The following ASB3 variants were observed in gnomAD, a reference collection of about 807,000 sequenced individuals.
The protein encoded by ASB3 is ankyrin repeat and SOCS box containing 3, also known as ankyrin repeat and SOCS box protein 3.
Under a neutral mutation model 54.5 loss-of-function variants are expected in ASB3, and 41 were observed. The ratio of observed to expected loss-of-function variants is 0.75; its 90% CI spans 0.59 to 0.98. The LOEUF (loss-of-function observed/expected upper bound fraction) is 0.98, where lower values mean the gene tolerates loss of function less well. Among genes scored for constraint, ASB3 ranks in the 50% least tolerant of loss-of-function variants. The pLI is 0.00. For synonymous variants in ASB3, 266 were observed against 221.2 expected (o/e 1.20, Z -1.80); for missense variants, 733 against 620.0 (o/e 1.18, Z -1.94).
intron 9 of ASB3, among the ~76,000 whole-genome samples, chr2:53,689,987 C>A (rs749241764): frequency 6.6e-6 from 1 of 152,052 alleles, no homozygotes; most frequent in Non-Finnish European, 1.5e-5. Context: ...AATACCAGCA[C>A]TTTGGGAGGC....
In ASB3 at chr2:53,784,154, G is replaced by C. The variant is rs556577505; in HGVS notation, c.-14+2667C>G. 4.5e-4 allele frequency among the ~76,000 whole-genome samples: 68 copies of C among 152,270 alleles called. 1 individual carries two copies. Among genetic ancestry groups the C allele is most frequent in the African/African-American group, 1.5e-3 (61 of 41,510 alleles). On this transcript the variant is annotated intron_variant, in intron 1 of 9. Coordinates refer to ENST00000263634, the MANE Select transcript of ASB3 (RefSeq NM_016115.5). ...CATACTTAATAGTTTTATAGCGAATGATGATTGTATAATTACAATATGGTA... is the reference window on the plus strand; with the variant it reads ...CATACTTAATAGTTTTATAGCGAATCATGATTGTATAATTACAATATGGTA...
At chr2:53,746,669 G>A (rs529731834) in intron 3 of ASB3, among the ~76,000 whole-genome samples, 14 of 152,010 alleles carry the variant, frequency 9.2e-5, no homozygotes, top group African/African-American at 3.4e-4. Flanking sequence ...TAGTAGAAAC[G>A]AGGTTTCACC....
Position 53,700,323 on chromosome 2 carries a change from G to A in ASB3, c.1186C>T (p.Pro396Ser). Residue 396 changes from proline (P) to serine (S), a missense_variant, in exon 8 of 10, where the codon CCA (proline) becomes TCA (serine). Transcript: ENST00000263634. ...KAQAKYKEWL[P>S]HLLVAGFDPL... is the part of the protein sequence containing the mutation. ...TCAAATCCAGCAACCAGAAGATGTGGCAACCACTCCTTATATTTTGCTTGT... is the reference window on the plus strand; with the variant it reads ...TCAAATCCAGCAACCAGAAGATGTGACAACCACTCCTTATATTTTGCTTGT... The A allele has an allele frequency of 6.2e-7, 1 of 1,614,020 alleles. No individual in the cohort carries two copies. The highest frequency in any genetic ancestry group is 8.5e-7 in the Non-Finnish European group (1 of 1,179,978).
chr2:53,737,565 G>C (rs1671709688), intron 3 of ASB3, among the ~76,000 whole-genome samples: 1 of 152,082 alleles, frequency 6.6e-6, no homozygotes, highest in South Asian at 2.1e-4. Flanking sequence ...AAACACTACT[G>C]AGGGGCCATG....
At chr2:53,728,166 T>C (rs1009878908) in intron 5 of ASB3, among the ~76,000 whole-genome samples, 18 of 152,102 alleles carry the variant, frequency 1.2e-4, no homozygotes, top group South Asian at 4.1e-4. Context: ...GGTCACAAAA[T>C]TGTCACTTAG....
intron 3 of ASB3, among the ~76,000 whole-genome samples, chr2:53,744,784 G>C (rs1400041836): frequency 6.6e-6 from 1 of 152,194 alleles, no homozygotes; most frequent in Non-Finnish European, 1.5e-5. Context: ...TCACATGGTG[G>C]TTTGTTCAAT....
intron 8 of ASB3, among the ~76,000 whole-genome samples, 151 bp downstream of exon 8, chr2:53,700,117 CATT>C (rs1237905958): frequency 6.6e-6 from 1 of 152,134 alleles, no homozygotes; most frequent in African/African-American, 2.4e-5. Flanking sequence ...AATTCAATCT[CATT>C]ATTAGCAGCC....
At chr2:53,731,829 T>C (rs1236756461) in intron 3 of ASB3, among the ~76,000 whole-genome samples, 4 of 152,174 alleles carry the variant, frequency 2.6e-5, no homozygotes, top group African/African-American at 9.7e-5. Context: ...CTTTTTGGTA[T>C]TTTTGTAGAG....
intron 9 of ASB3, among the ~76,000 whole-genome samples, chr2:53,693,400 A>T (rs72793643): frequency 6.6e-6 from 1 of 152,250 alleles, no homozygotes; most frequent in Non-Finnish European, 1.5e-5. Context: ...GCTTATCTCC[A>T]CAGTTATACC....
At chr2:53,743,130 T>C (rs899508468) in intron 3 of ASB3, among the ~76,000 whole-genome samples, 2 of 151,782 alleles carry the variant, frequency 1.3e-5, no homozygotes, top group African/African-American at 2.4e-5. Flanking sequence ...CAAGTTTGAA[T>C]CATTATTCAA....
chr2:53,743,817 C>A (rs1165280230), intron 3 of ASB3, among the ~76,000 whole-genome samples: 2 of 151,942 alleles, frequency 1.3e-5, no homozygotes, highest in African/African-American at 4.8e-5. Flanking sequence ...CCGAGGCAGG[C>A]GGATCACTTC....
Position 53,712,848 on chromosome 2 carries a change from T to C in ASB3, c.980+1536A>G, listed in dbSNP as rs552523189. 2.0e-5 allele frequency among the ~76,000 whole-genome samples: 3 copies of C among 152,244 alleles called. No homozygotes were observed. In the South Asian group the frequency reaches 6.2e-4, roughly 32 times the overall value. ...TTCAGTTCTGTAACGGACTTAAGAT[T>C]TGGGATAGAGAAAGGCAACTAAAAG... On this transcript the variant is annotated intron_variant, in intron 7 of 9. Transcript: ENST00000263634.
Position 53,670,305 on chromosome 2 carries a change from T to C in ASB3, c.*198A>G, listed in dbSNP as rs1203474124. On this transcript the variant is annotated 3_prime_UTR_variant, in exon 10 of 10. Transcript: ENST00000263634. The stretch of plus-strand genomic sequence containing the variant: ...GTGATGTTTACAATTTTTTTTTTTT[T>C]TTTTTTTTTTTTTACTGGGAAGGCT... 2 of 297,350 alleles carry C rather than the reference T, an allele frequency of 6.7e-6. No homozygotes were observed. Among genetic ancestry groups the C allele is most frequent in the Non-Finnish European group, 1.2e-5 (2 of 167,808 alleles). 18.4% of individuals were successfully genotyped at this position (297,350 alleles called of 1,614,324 possible).
intron 1 of ASB3, among the ~76,000 whole-genome samples, chr2:53,770,120 C>T (rs1673791832): frequency 1.3e-5 from 2 of 152,160 alleles, no homozygotes; most frequent in African/African-American, 4.8e-5. Context: ...TATATATCCT[C>T]ATTGTAGCAT....
At chr2:53,672,817 T>C (rs954234155) in intron 9 of ASB3, among the ~76,000 whole-genome samples, 4 of 152,220 alleles carry the variant, frequency 2.6e-5, no homozygotes, top group African/African-American at 9.7e-5. Flanking sequence ...CAGGTTTTTT[T>C]GCTTTCAGTT....
intron 2 of ASB3, among the ~76,000 whole-genome samples, chr2:53,759,667 T>G (rs1330745810): frequency 1.3e-5 from 2 of 152,150 alleles, no homozygotes; most frequent in East Asian, 3.9e-4. Flanking sequence ...GCAAATCGAA[T>G]GCCTAACAGG....
At chr2:53,770,411 T>C (rs184059184) in intron 1 of ASB3, among the ~76,000 whole-genome samples, 70 of 150,690 alleles carry the variant, frequency 4.6e-4, no homozygotes, top group African/African-American at 1.6e-3. Flanking sequence ...GTAGGTAAAA[T>C]TGTGGCTTAT....
rs145885503 is a variant in ASB3 at position 53,766,326 on chromosome 2, G to C, written c.-13-741C>G. 2.8e-3 allele frequency among the ~76,000 whole-genome samples: 419 copies of C among 152,322 alleles called. 2 individuals are homozygous for C. Among genetic ancestry groups the C allele is most frequent in the African/African-American group, 9.7e-3 (402 of 41,564 alleles). ...CAAGTTCCCCTCCAGTCAGAGTCCAGTATAGCTCTCATGTGACTCTCTCGA... is the reference window on the plus strand; with the variant it reads ...CAAGTTCCCCTCCAGTCAGAGTCCACTATAGCTCTCATGTGACTCTCTCGA... On this transcript the variant is annotated intron_variant, in intron 1 of 9. Transcript: ENST00000263634.
intron 5 of ASB3, among the ~76,000 whole-genome samples, chr2:53,723,633 C>A (rs1291967739): frequency 6.6e-6 from 1 of 152,070 alleles, no homozygotes; most frequent in Non-Finnish European, 1.5e-5. Flanking sequence ...CAAAGCAATA[C>A]CAAGCAAAAA....
Sources: gnomAD v4.1 joint callset for allele counts (sites outside exome capture counted in the v4.1 genomes callset) on GRCh38, gnomAD v4.1.1 for gene constraint, MANE v1.5 for transcripts, NCBI Gene and HGNC (gene_info 2026-07-23, HGNC 2026-07-21) for gene names.